CAMK1D: variants seen among roughly 807,000 people sequenced by gnomAD.
The protein encoded by CAMK1D is calcium/calmodulin-dependent protein kinase type 1D.
In CAMK1D, 9 loss-of-function variants were observed where a neutral mutation model predicts 47.7. That is an observed-to-expected ratio of 0.19 (90% CI 0.11 to 0.33). The LOEUF (loss-of-function observed/expected upper bound fraction) is 0.33. Ranked by LOEUF, CAMK1D falls within the 10% of genes least tolerant of loss-of-function variation. CAMK1D has a pLI of 1.00. For missense variants in CAMK1D, 291 were observed against 488.7 expected (o/e 0.60, Z 3.81); for synonymous variants, 184 against 184.9 (o/e 0.99, Z 0.04).
intron 2 of CAMK1D, among the ~76,000 whole-genome samples, chr10:12,570,343 A>G (rs1226154394): frequency 3.9e-5 from 6 of 152,068 alleles, no homozygotes; most frequent in African/African-American, 1.4e-4. Flanking sequence ...ATTTTTGTAG[A>G]TGCCGTTAAT....
chr10:12,516,197 C>T (rs1221598000), intron 1 of CAMK1D, among the ~76,000 whole-genome samples: 1 of 152,164 alleles, frequency 6.6e-6, no homozygotes, highest in Non-Finnish European at 1.5e-5. Flanking sequence ...GCAAGCTCTG[C>T]CTCCTGGGTT....
At chr10:12,562,695 C>G (rs1440203385) in intron 2 of CAMK1D, among the ~76,000 whole-genome samples, 2 of 152,150 alleles carry the variant, frequency 1.3e-5, no homozygotes, top group African/African-American at 4.8e-5. Context: ...TCTTGATTTC[C>G]TGTCTGGATG....
In CAMK1D at chr10:12,538,121, A is replaced by G. The variant is rs118167675; in HGVS notation, c.93-15104A>G. On this transcript the variant is annotated intron_variant, in intron 1 of 10. Coordinates refer to ENST00000619168, the MANE Select transcript of CAMK1D (RefSeq NM_153498.4). ...CACTGTGAGGCCCGTGGAAAGGGGA[A>G]GGCACCGTCAGCCACTAGCTGGGAA... Among the ~76,000 whole-genome samples the G allele has an allele frequency of 7.2e-3, 1,101 of 152,344 alleles. 28 individuals carry two copies. Among genetic ancestry groups the G allele is most frequent in the East Asian group, 0.045 (235 of 5,184 alleles).
intron 1 of CAMK1D, among the ~76,000 whole-genome samples, chr10:12,542,420 A>G (rs1836226355): frequency 6.6e-6 from 1 of 152,230 alleles, no homozygotes; most frequent in Admixed American, 6.5e-5. Flanking sequence ...CAAAGAGCCA[A>G]TAATAGCTAC....
intron 1 of CAMK1D, among the ~76,000 whole-genome samples, chr10:12,408,998 A>G (rs1221595216): frequency 2.0e-5 from 3 of 151,966 alleles, no homozygotes; most frequent in African/African-American, 4.8e-5. Context: ...TTGGGACTAC[A>G]GGCGTGCACC....
intron 3 of CAMK1D, among the ~76,000 whole-genome samples, chr10:12,693,932 CATATATAAAATATATAATATATATT>C (rs1489494268): frequency 5.1e-5 from 4 of 78,036 alleles, no homozygotes; most frequent in East Asian, 3.9e-4. Flanking sequence ...ATATATATAA[CATATATAAAATATATAATATATATT>C]ATATATAAAA....
At chr10:12,451,728 C>T (rs1833088721) in intron 1 of CAMK1D, among the ~76,000 whole-genome samples, 1 of 152,028 alleles carries the variant, frequency 6.6e-6, no homozygotes, top group Non-Finnish European at 1.5e-5. Flanking sequence ...TATACCAATC[C>T]TTTGTTGCAT....
At chr10:12,571,703 T>C (rs1262282324) in intron 2 of CAMK1D, among the ~76,000 whole-genome samples, 1 of 152,084 alleles carries the variant, frequency 6.6e-6, no homozygotes, top group Non-Finnish European at 1.5e-5. Flanking sequence ...TAATGGTCCA[T>C]TTACTTGTCT....
At chr10:12,662,728 G>T (rs913163755) in intron 2 of CAMK1D, among the ~76,000 whole-genome samples, 7 of 152,070 alleles carry the variant, frequency 4.6e-5, no homozygotes, top group African/African-American at 1.7e-4. Flanking sequence ...CCCTAAACTG[G>T]ATATTCAGTA....
chr10:12,700,005 A>G (rs984545688), intron 3 of CAMK1D, among the ~76,000 whole-genome samples: 1 of 152,176 alleles, frequency 6.6e-6, no homozygotes, highest in Non-Finnish European at 1.5e-5. Context: ...GTGCAAAAAA[A>G]AAATGGAAAT....
chr10:12,578,861 C>G (rs1837575592), intron 2 of CAMK1D: 1 of 154,114 alleles, frequency 6.5e-6, no homozygotes, highest in East Asian at 1.9e-4. Flanking sequence ...TTAGAGACAA[C>G]AAGCTGAAGC....
intron 5 of CAMK1D, among the ~76,000 whole-genome samples, chr10:12,782,981 G>GTTTT (rs869155068): frequency 2.0e-4 from 27 of 134,928 alleles, no homozygotes; most frequent in African/African-American, 7.2e-4. Flanking sequence ...AGTATTTTCA[G>GTTTT]TTTTTTTTTT....
At chr10:12,817,494 C>G (rs748729219) in intron 8 of CAMK1D, among the ~76,000 whole-genome samples, 3 of 152,112 alleles carry the variant, frequency 2.0e-5, no homozygotes, top group Non-Finnish European at 2.9e-5. Flanking sequence ...ATTTAGAAAC[C>G]AGCTTCACTA....
intron 3 of CAMK1D, among the ~76,000 whole-genome samples, chr10:12,668,917 AAAAAAAC>A (rs961543711): frequency 1.7e-3 from 254 of 152,116 alleles, no homozygotes; most frequent in Non-Finnish European, 2.4e-3. Flanking sequence ...TGTTAAGAAA[AAAAAAAC>A]AAAAAACAAA....
At chr10:12,561,321 C>T (rs1836936690) in intron 2 of CAMK1D, among the ~76,000 whole-genome samples, 4 of 152,022 alleles carry the variant, frequency 2.6e-5, no homozygotes, top group Admixed American at 6.6e-5. Flanking sequence ...GCTTTGGGCA[C>T]GTACATGTGA....
At chr10:12,441,753 T>C (rs1832791846) in intron 1 of CAMK1D, among the ~76,000 whole-genome samples, 1 of 152,008 alleles carries the variant, frequency 6.6e-6, no homozygotes, top group Non-Finnish European at 1.5e-5. Flanking sequence ...AAGCCGAGAT[T>C]GTGCCACTGC....
At chr10:12,658,097 G>A (rs1840169270) in intron 2 of CAMK1D, among the ~76,000 whole-genome samples, 1 of 152,034 alleles carries the variant, frequency 6.6e-6, no homozygotes, top group African/African-American at 2.4e-5. Context: ...GCAGTGAGCC[G>A]AGATCGTGCC....
At chr10:12,371,169 G>T (rs1229128819) in intron 1 of CAMK1D, among the ~76,000 whole-genome samples, 2 of 151,932 alleles carry the variant, frequency 1.3e-5, no homozygotes, top group African/African-American at 4.8e-5. Flanking sequence ...TAATGCTCTA[G>T]GCCTTCTCAT....
intron 1 of CAMK1D, among the ~76,000 whole-genome samples, chr10:12,427,310 T>G (rs1016290318): frequency 3.9e-5 from 6 of 152,174 alleles, no homozygotes; most frequent in African/African-American, 1.4e-4. Context: ...GGGGAGGACC[T>G]CGGAGAGTCC....
Sources: allele counts gnomAD v4.1 joint callset (sites outside exome capture counted in the v4.1 genomes callset), GRCh38; gene constraint gnomAD v4.1.1; transcripts MANE v1.5; gene names NCBI Gene and HGNC (gene_info 2026-07-23, HGNC 2026-07-21).